MYO3B: variants seen among roughly 807,000 people sequenced by gnomAD.
The protein encoded by MYO3B is myosin IIIB, also known as myosin-IIIb.
Under a neutral mutation model 174.6 loss-of-function variants are expected in MYO3B, and 156 were observed. The ratio of observed to expected loss-of-function variants is 0.89; its 90% CI spans 0.78 to 1.02. MYO3B has a LOEUF of 1.02. Ranked by LOEUF, MYO3B falls within the 50% of genes least tolerant of loss-of-function variation. The probability of loss-of-function intolerance (pLI) is 0.00; values close to 1 mark genes in which losing one functional copy is unlikely to be tolerated. For missense variants in MYO3B, 1,632 were observed against 1,639.4 expected (o/e 1.00, Z 0.08); for synonymous variants, 563 against 569.1 (o/e 0.99, Z 0.15).
At chr2:170,288,236 T>G (rs2093571266) in intron 7 of MYO3B, among the ~76,000 whole-genome samples, 1 of 20,230 alleles carries the variant, frequency 4.9e-5, no homozygotes, top group African/African-American at 6.8e-5. Context: ...AATTTTAGGT[T>G]TTTTTTTTTT....
intron 6 of MYO3B, among the ~76,000 whole-genome samples, chr2:170,222,156 A>G (rs1431290406): frequency 6.6e-6 from 1 of 152,130 alleles, no homozygotes; most frequent in Non-Finnish European, 1.5e-5. Context: ...GCATGGCTTC[A>G]TTGTTCTGGG....
intron 32 of MYO3B, among the ~76,000 whole-genome samples, chr2:170,592,955 T>G (rs1472280842): frequency 6.6e-6 from 1 of 152,120 alleles, no homozygotes; most frequent in African/African-American, 2.4e-5. Context: ...TATATAGATA[T>G]ATATCTATAG....
intron 6 of MYO3B, among the ~76,000 whole-genome samples, chr2:170,217,918 C>G (rs754310346): frequency 1.3e-5 from 2 of 152,228 alleles, no homozygotes; most frequent in Non-Finnish European, 2.9e-5. Flanking sequence ...ACAGAACTCT[C>G]TGGAAAATGA....
intron 18 of MYO3B, among the ~76,000 whole-genome samples, chr2:170,402,532 A>G (rs1483251815): frequency 1.3e-5 from 2 of 152,174 alleles, no homozygotes; most frequent in Non-Finnish European, 2.9e-5. Context: ...AGGTGGGAGA[A>G]TAAATAAGCA....
chr2:170,205,006 T>C (rs1218520157), intron 3 of MYO3B, among the ~76,000 whole-genome samples: 1 of 152,200 alleles, frequency 6.6e-6, no homozygotes, highest in East Asian at 1.9e-4. Flanking sequence ...CTTGAAAACC[T>C]TGCTGGTGGG....
At chr2:170,603,283 T>C (rs1694628589) in intron 32 of MYO3B, among the ~76,000 whole-genome samples, 1 of 152,044 alleles carries the variant, frequency 6.6e-6, no homozygotes, top group African/African-American at 2.4e-5. Flanking sequence ...GTGGAAAATA[T>C]TAATTGTCCA....
rs947531488 is a variant in MYO3B at position 170,484,438 on chromosome 2, A to G, written c.3015-14154A>G. Reference sequence around the variant, plus strand: ...AATTGTAAATAATCAGTTTAAACTTAAGCTTTTATTACAAATTAATTTGAG... The same window carrying G: ...AATTGTAAATAATCAGTTTAAACTTGAGCTTTTATTACAAATTAATTTGAG... On this transcript the variant is annotated intron_variant, in intron 25 of 34. Coordinates refer to ENST00000408978, the MANE Select transcript of MYO3B (RefSeq NM_138995.5). 1.8e-4 allele frequency among the ~76,000 whole-genome samples: 27 copies of G among 152,202 alleles called. 1 individual carries two copies. Among genetic ancestry groups the G allele is most frequent in the African/African-American group, 5.8e-4 (24 of 41,432 alleles).
chr2:170,178,423 G>T (rs1011682040), intron 1 of MYO3B, 134 bp downstream of exon 1: 3 of 1,119,912 alleles, frequency 2.7e-6, no homozygotes, highest in Non-Finnish European at 4.1e-6. Flanking sequence ...TTGGGCCTCT[G>T]TCTGACATCA....
At chr2:170,543,469 A>G (rs1690255500) in intron 31 of MYO3B, among the ~76,000 whole-genome samples, 1 of 152,214 alleles carries the variant, frequency 6.6e-6, no homozygotes, top group Non-Finnish European at 1.5e-5. Context: ...TCTGCTGAGC[A>G]TATGTAAGAT....
chr2:170,409,559 T>C (rs1007631053), intron 22 of MYO3B, among the ~76,000 whole-genome samples: 2 of 152,256 alleles, frequency 1.3e-5, no homozygotes, highest in African/African-American at 2.4e-5. Flanking sequence ...ATTTTGAGTA[T>C]AGTTAAGAAG....
At chr2:170,249,855 A>T (rs536276063) in intron 7 of MYO3B, among the ~76,000 whole-genome samples, 1 of 152,340 alleles carries the variant, frequency 6.6e-6, no homozygotes, top group South Asian at 2.1e-4. Flanking sequence ...CACAAAATGG[A>T]CAAGTGGCTT....
chr2:170,297,963 A>G (rs1427070208), intron 7 of MYO3B, among the ~76,000 whole-genome samples: 1 of 152,230 alleles, frequency 6.6e-6, no homozygotes, highest in Non-Finnish European at 1.5e-5. Context: ...TGATTAGGCT[A>G]GGAAATAATA....
At chr2:170,237,165 C>G (rs1308480896) in intron 7 of MYO3B, among the ~76,000 whole-genome samples, 1 of 152,112 alleles carries the variant, frequency 6.6e-6, no homozygotes, top group Non-Finnish European at 1.5e-5. Flanking sequence ...GAGGAGCAGA[C>G]GAAGCACCTG....
intron 32 of MYO3B, among the ~76,000 whole-genome samples, chr2:170,572,335 G>A: frequency 6.6e-6 from 1 of 151,988 alleles, no homozygotes; most frequent in East Asian, 1.9e-4. Context: ...GGCTGAGGCA[G>A]GAGAATTGCT....
intron 29 of MYO3B, among the ~76,000 whole-genome samples, chr2:170,519,203 A>G (rs1458184451): frequency 6.6e-6 from 1 of 152,170 alleles, no homozygotes; most frequent in Admixed American, 6.5e-5. Flanking sequence ...AGAGAGAGGT[A>G]GCTTGTTTTC....
chr2:170,368,614 CT>C (rs1489005574), intron 8 of MYO3B, among the ~76,000 whole-genome samples: 3 of 152,152 alleles, frequency 2.0e-5, no homozygotes, highest in African/African-American at 7.2e-5. Flanking sequence ...TTTTTGTTCC[CT>C]GTTTGTATAA....
chr2:170,427,592 G>T (rs574510274), intron 22 of MYO3B, among the ~76,000 whole-genome samples: 1 of 152,120 alleles, frequency 6.6e-6, no homozygotes, highest in African/African-American at 2.4e-5. Context: ...AGTAATGCTG[G>T]CCAATTGGGC....
At position 170,654,746 on chromosome 2, in the gene MYO3B, G is replaced by C. The variant is rs142802474; in HGVS notation, c.*1625G>C. On this transcript the variant is annotated 3_prime_UTR_variant, in exon 35 of 35. Transcript: ENST00000408978. ...AAGAAAATCTTGTTATCAGAGTTTT[G>C]AAAGGGAGCACATTAATAGGCCTTT... 102 of 149,574 alleles carry C rather than the reference G, an allele frequency of 6.8e-4. No homozygotes were observed. The highest frequency in any genetic ancestry group is 2.3e-3 in the African/African-American group (94 of 40,896). 9.3% of individuals were successfully genotyped at this position (149,574 alleles called of 1,614,324 possible).
At chr2:170,611,339 CTTTT>C in intron 32 of MYO3B, among the ~76,000 whole-genome samples, 1 of 152,030 alleles carries the variant, frequency 6.6e-6, no homozygotes, top group East Asian at 1.9e-4. Flanking sequence ...AATGATTGGG[CTTTT>C]TTGTTTGTTT....
Sources: allele counts gnomAD v4.1 joint callset (sites outside exome capture counted in the v4.1 genomes callset), GRCh38; gene constraint gnomAD v4.1.1; transcripts MANE v1.5; gene names NCBI Gene and HGNC (gene_info 2026-07-23, HGNC 2026-07-21).